The following DCLK1 variants were observed in gnomAD, a reference collection of about 807,000 sequenced individuals.
DCLK1 encodes doublecortin like kinase 1, also known as serine/threonine-protein kinase DCLK1.
Under a neutral mutation model 86.2 loss-of-function variants are expected in DCLK1, and 16 were observed. The ratio of observed to expected loss-of-function variants is 0.19; its 90% CI spans 0.13 to 0.28. DCLK1 has a LOEUF of 0.28. Among genes scored for constraint, DCLK1 ranks in the 10% least tolerant of loss-of-function variants. DCLK1 has a pLI of 1.00. For missense variants in DCLK1, 590 were observed against 940.2 expected (o/e 0.63, Z 4.87); for synonymous variants, 369 against 370.5 (o/e 1.00, Z 0.05).
chr13:35,829,556 C>T (rs142478140), intron 8 of DCLK1, among the ~76,000 whole-genome samples: 14 of 152,172 alleles, frequency 9.2e-5, no homozygotes, highest in Admixed American at 4.6e-4. Flanking sequence ...TGCCTCTAAG[C>T]GAATCAAGAG....
chr13:35,981,746 T>G (rs546272334), intron 3 of DCLK1, among the ~76,000 whole-genome samples: 2 of 152,354 alleles, frequency 1.3e-5, no homozygotes, highest in South Asian at 4.1e-4. Flanking sequence ...AATGCTGCCA[T>G]GAACATGGGT....
chr13:36,106,091 G>A lies in DCLK1; in HGVS notation c.723+5778C>T, dbSNP rs563905374. ...GAGAACTTAGAATTCATTTTACAGC[G>A]AGCTAGAATGCAATTTACAGAAAAC... On this transcript the variant is annotated intron_variant, in intron 3 of 16. Coordinates refer to ENST00000360631, the MANE Select transcript of DCLK1 (RefSeq NM_001330071.2). Among the ~76,000 whole-genome samples, 3 of 152,190 alleles carry A rather than the reference G, an allele frequency of 2.0e-5. No individual in the cohort carries two copies. The South Asian group carries it at 6.2e-4, about 32-fold the overall frequency.
intron 3 of DCLK1, among the ~76,000 whole-genome samples, chr13:36,074,488 A>C (rs1215608296): frequency 3.9e-4 from 15 of 38,432 alleles, no homozygotes; most frequent in Non-Finnish European, 5.2e-4. Context: ...AAAAAAAAAA[A>C]AAAAAAAAAA....
intron 3 of DCLK1, among the ~76,000 whole-genome samples, chr13:35,958,131 A>ACTATAACCATCAACACCATCACTG (rs1555352809): frequency 2.0e-5 from 1 of 49,692 alleles, no homozygotes. Flanking sequence ...CACTACCACT[A>ACTATAACCATCAACACCATCACTG]CTATAACCAC....
chr13:36,049,642 A>G (rs980381716), intron 3 of DCLK1, among the ~76,000 whole-genome samples: 5 of 152,156 alleles, frequency 3.3e-5, no homozygotes, highest in Non-Finnish European at 7.4e-5. Context: ...AAATGTCTCA[A>G]AAATTTTATC....
intron 3 of DCLK1, among the ~76,000 whole-genome samples, chr13:36,050,102 A>G (rs775086666): frequency 3.4e-4 from 51 of 152,214 alleles, no homozygotes; most frequent in Non-Finnish European, 6.8e-4. Flanking sequence ...GCTCCAGCAC[A>G]TAGTTGGAGC....
At chr13:36,060,903 T>C (rs1367218456) in intron 3 of DCLK1, among the ~76,000 whole-genome samples, 4 of 152,078 alleles carry the variant, frequency 2.6e-5, no homozygotes, top group African/African-American at 7.2e-5. Context: ...GAATGATCCA[T>C]AGGCTGGAAG....
intron 3 of DCLK1, among the ~76,000 whole-genome samples, chr13:35,975,468 G>A (rs2153140376): frequency 6.6e-6 from 1 of 152,256 alleles, no homozygotes; most frequent in Admixed American, 6.5e-5. Flanking sequence ...TCCTGGACAA[G>A]TCCCCACCAC....
chr13:36,053,294 G>A (rs900290009), intron 3 of DCLK1, among the ~76,000 whole-genome samples: 23 of 152,030 alleles, frequency 1.5e-4, no homozygotes, highest in Non-Finnish European at 3.1e-4. Context: ...TCTAGCGAGC[G>A]GGGCAGGTAT....
intron 3 of DCLK1, among the ~76,000 whole-genome samples, chr13:35,967,396 G>C (rs1208297677): frequency 1.3e-5 from 2 of 152,254 alleles, no homozygotes; most frequent in Non-Finnish European, 2.9e-5. Context: ...AGGGGGAAAT[G>C]TGGGGAAAAG....
intron 6 of DCLK1, chr13:35,845,922 A>G (rs1236369932): frequency 1.0e-6 from 1 of 985,242 alleles, no homozygotes; most frequent in South Asian, 4.7e-5. Context: ...TGTTTATTAT[A>G]TAGTTATTCT....
At chr13:35,883,674 ATTG>A (rs1873054658) in intron 4 of DCLK1, among the ~76,000 whole-genome samples, 1 of 152,168 alleles carries the variant, frequency 6.6e-6, no homozygotes, top group Non-Finnish European at 1.5e-5. Context: ...TAGAGGAAAC[ATTG>A]CAAAGTGGTT....
chr13:35,983,531 G>T (rs1879760373), intron 3 of DCLK1, among the ~76,000 whole-genome samples: 1 of 152,114 alleles, frequency 6.6e-6, no homozygotes, highest in African/African-American at 2.4e-5. Flanking sequence ...GAATGAATAA[G>T]ACCTACTATT....
At chr13:35,849,898 C>A in intron 6 of DCLK1, 1 of 961,482 alleles carries the variant, frequency 1.0e-6, no homozygotes, top group African/African-American at 1.8e-5. Flanking sequence ...TTAGTTTTTA[C>A]ACATTTAAAA....
At chr13:35,827,055 C>T (rs188243266) in intron 10 of DCLK1, among the ~76,000 whole-genome samples, 6 of 152,114 alleles carry the variant, frequency 3.9e-5, no homozygotes, top group African/African-American at 7.2e-5. Context: ...TCCATTCAAC[C>T]GTCATCAACA....
chr13:35,788,155 G>C (rs2086653758), intron 16 of DCLK1: 2 of 1,529,846 alleles, frequency 1.3e-6, no homozygotes, highest in Non-Finnish European at 9.1e-7. Context: ...CTGGTTAATG[G>C]AGACTGCCAG....
intron 4 of DCLK1, among the ~76,000 whole-genome samples, chr13:35,923,850 T>C (rs770962118): frequency 6.6e-6 from 1 of 152,086 alleles, no homozygotes; most frequent in Non-Finnish European, 1.5e-5. Flanking sequence ...CTGTCAAGAA[T>C]AGGACAATAA....
rs545222898 is a variant in DCLK1 at position 36,032,027 on chromosome 13, T to C, written c.723+79842A>G. On this transcript the variant is annotated intron_variant, in intron 3 of 16. Coordinates refer to ENST00000360631, the MANE Select transcript of DCLK1 (RefSeq NM_001330071.2). ...CTTTTAAACCATTCATTAATCTTTC[T>C]TTCACTCCCCTGGGTGGCTTAGAAC... Among the ~76,000 whole-genome samples the C allele has an allele frequency of 3.9e-5, 6 of 152,352 alleles. No individual in the cohort carries two copies. The South Asian group carries it at 1.2e-3, about 32-fold the overall frequency.
intron 4 of DCLK1, among the ~76,000 whole-genome samples, chr13:35,875,344 A>T (rs971070795): frequency 7.2e-5 from 11 of 152,228 alleles, no homozygotes; most frequent in African/African-American, 2.7e-4. Flanking sequence ...GATGGTACAC[A>T]TTGTTCATAA....
Sources: allele counts gnomAD v4.1 joint callset (sites outside exome capture counted in the v4.1 genomes callset), GRCh38; gene constraint gnomAD v4.1.1; transcripts MANE v1.5; gene names NCBI Gene and HGNC (gene_info 2026-07-23, HGNC 2026-07-21).